Variants in AASDH observed in about 807,000 individuals in gnomAD.
AASDH encodes the protein aminoadipate-semialdehyde dehydrogenase, also known as beta-alanine-activating enzyme.
In AASDH, 81 loss-of-function variants were observed where a neutral mutation model predicts 102.3. The ratio of observed to expected loss-of-function variants is 0.79; its 90% CI spans 0.66 to 0.95. The LOEUF (loss-of-function observed/expected upper bound fraction) is 0.95, where lower values mean the gene tolerates loss of function less well. AASDH is among the 40% of genes least tolerant of loss of function. AASDH has a pLI of 0.00. For synonymous variants in AASDH, 398 were observed against 454.0 expected, an observed-to-expected ratio of 0.88 and a Z score of 1.57; for missense variants, 1,203 against 1,266.2, an observed-to-expected ratio of 0.95 and a Z score of 0.76.
At chr4:56,343,519 TAAAG>T (rs745696925) in intron 13 of AASDH, 39 bp downstream of exon 13, 513 of 1,498,984 alleles carry the variant, frequency 3.4e-4, no homozygotes, top group Middle Eastern at 8.9e-4. Flanking sequence ...TTTACAAATT[TAAAG>T]AAAAGTAATA....
At chr4:56,386,097 T>C (rs1035199981) in intron 1 of AASDH, among the ~76,000 whole-genome samples, 1 of 152,194 alleles carries the variant, frequency 6.6e-6, no homozygotes, top group Non-Finnish European at 1.5e-5. Flanking sequence ...GATTTCTAAA[T>C]ATACAGTTTA....
intron 14 of AASDH, among the ~76,000 whole-genome samples, chr4:56,339,926 T>C (rs1056375242): frequency 3.3e-5 from 5 of 151,910 alleles, no homozygotes; most frequent in Non-Finnish European, 5.9e-5. Flanking sequence ...CCCAACACTT[T>C]GGGAGGCCAA....
At position 56,338,525 on chromosome 4, in the gene AASDH, T is replaced by G; in HGVS notation, c.3174A>C (p.Gln1058His). ...WILESQSGQL[Q>H]SVYELPGEVF... ...CTTCTCCAGGAAGTTCATAAACACT[T>G]TGCAATTGTCCACTCTGAGATTCCA... Residue 1058 changes from glutamine (Q) to histidine (H), a missense_variant, in exon 15 of 15, where the codon CAA (glutamine) becomes CAC (histidine). Gln to His is a conservative substitution (Grantham distance 24). Coordinates refer to ENST00000205214, the MANE Select transcript of AASDH (RefSeq NM_181806.4). The G allele has an allele frequency of 6.2e-7, 1 of 1,613,916 alleles. No individual in the cohort carries two copies. The highest frequency in any genetic ancestry group is 8.5e-7 in the Non-Finnish European group (1 of 1,179,990).
chr4:56,369,864 C>CG (rs990753641), intron 5 of AASDH, among the ~76,000 whole-genome samples: 1 of 150,506 alleles, frequency 6.6e-6, no homozygotes, highest in Non-Finnish European at 1.5e-5. Context: ...CTCTTGAGCC[C>CG]GGGAGACAGA....
rs1485648743 is a variant in AASDH, at chr4:56,345,046, A to G, written c.2652+81T>C. On this transcript the variant is annotated intron_variant, in intron 12 of 14. Coordinates refer to ENST00000205214, the MANE Select transcript of AASDH (RefSeq NM_181806.4). ...AACCTCCACCTCCCAGGTTCACGCAATCCTCCCACCTCAGCCTCTGGAGTA... is the reference window on the plus strand; with the variant it reads ...AACCTCCACCTCCCAGGTTCACGCAGTCCTCCCACCTCAGCCTCTGGAGTA... The G allele has an allele frequency of 4.7e-6, 7 of 1,479,016 alleles. No individual in the cohort carries two copies. The East Asian group carries it at 1.4e-4, about 30-fold the overall frequency. The allele number at this position is 1,479,016 out of a possible 1,614,324, so 91.6% of individuals were successfully genotyped here.
chr4:56,347,906 A>T (rs1748503102), intron 11 of AASDH, among the ~76,000 whole-genome samples: 1 of 152,164 alleles, frequency 6.6e-6, no homozygotes, highest in African/African-American at 2.4e-5. Context: ...TAATCCCAGC[A>T]CTTTGGGACA....
At chr4:56,382,272 T>C (rs1313031650) in intron 3 of AASDH, 1 of 460,922 alleles carries the variant, frequency 2.2e-6, no homozygotes, top group South Asian at 2.6e-5. Context: ...GTCTAGCGAG[T>C]GGAGGTCAAA....
chr4:56,344,994 T>A, intron 12 of AASDH, 133 bp downstream of exon 12: 2 of 639,898 alleles, frequency 3.1e-6, no homozygotes, highest in Non-Finnish European at 5.0e-6. Flanking sequence ...CAGGGTGGAA[T>A]ACACTGTCAC....
At chr4:56,344,717 G>A (rs1748117045) in intron 12 of AASDH, among the ~76,000 whole-genome samples, 1 of 151,938 alleles carries the variant, frequency 6.6e-6, no homozygotes, top group Admixed American at 6.6e-5. Flanking sequence ...AAAACTCTGA[G>A]TAGCACACTT....
At chr4:56,351,058 A>C (rs1466146398) in intron 10 of AASDH, among the ~76,000 whole-genome samples, 1 of 152,176 alleles carries the variant, frequency 6.6e-6, no homozygotes, top group East Asian at 1.9e-4. Context: ...CATTCCACCG[A>C]TCCTCTTAGA....
Position 56,338,668 on chromosome 4 carries a change from G to A in AASDH, c.3031C>T (p.Gln1011Ter). Residue 1011 changes from glutamine to a stop codon, truncating the protein, a stop_gained, in exon 15 of 15, where the codon CAG (glutamine) becomes TAG (stop). Transcript: ENST00000205214. LOFTEE classifies it high-confidence loss of function. ...CTTGAAGTAGTTTCAAATTTCCACTGCAGGTGACCTTTCATGTTACAACAG... is the reference window on the plus strand; with the variant it reads ...CTTGAAGTAGTTTCAAATTTCCACTACAGGTGACCTTTCATGTTACAACAG... ...IYCCNMKGHLQWKFETTSRVY... is the reference protein window; with the variant it reads ...IYCCNMKGHL 6.2e-7 allele frequency: 1 copy of A among 1,614,188 alleles called. No individual in the cohort carries two copies. The highest frequency in any genetic ancestry group is 8.5e-7 in the Non-Finnish European group (1 of 1,180,026).
intron 5 of AASDH, among the ~76,000 whole-genome samples, chr4:56,361,212 G>A (rs1436846417): frequency 6.6e-6 from 1 of 152,114 alleles, no homozygotes; most frequent in African/African-American, 2.4e-5. Flanking sequence ...AGGAGTTCGA[G>A]ACCAGCCTAG....
Position 56,338,502 on chromosome 4 carries a change from T to G in AASDH, c.3197A>C (p.Glu1066Ala). 1 of 1,613,956 alleles carries G rather than the reference T, an allele frequency of 6.2e-7. No individual in the cohort carries two copies. The highest frequency in any genetic ancestry group is 1.1e-5 in the South Asian group (1 of 90,992). ...CAGGACCACAGGAGAAGAGAAGACT[T>G]CTCCAGGAAGTTCATAAACACTTTG... is the stretch of plus-strand genomic sequence containing the variant. ...QLQSVYELPG[E>A]VFSSPVVLES... is the part of the protein sequence containing the mutation. Residue 1066 changes from glutamate to alanine, a missense_variant, in exon 15 of 15, where the codon GAA (glutamate) becomes GCA (alanine). Physicochemically the swap from Glu to Ala is moderately radical, Grantham distance 107. Coordinates refer to ENST00000205214, the MANE Select transcript of AASDH (RefSeq NM_181806.4).
At chr4:56,346,327 T>C (rs1489869883) in intron 11 of AASDH, among the ~76,000 whole-genome samples, 5 of 151,960 alleles carry the variant, frequency 3.3e-5, no homozygotes, top group Non-Finnish European at 7.4e-5. Flanking sequence ...AGCAAGAGAG[T>C]AGTGGCCAGC....
At chr4:56,384,532 A>C (rs960351440) in intron 1 of AASDH, among the ~76,000 whole-genome samples, 191 bp from the exon 2 acceptor site, 6 of 152,230 alleles carry the variant, frequency 3.9e-5, no homozygotes, top group African/African-American at 1.4e-4. Context: ...AACTTGATAC[A>C]TCAACCTATG....
chr4:56,338,627 C>A lies in AASDH; in HGVS notation c.3072G>T (p.Pro1024=). ...FETTSRVYAT[P]FAFHNYNGSN... is the part of the protein sequence containing the mutation. Reference sequence around the variant, plus strand: ...TGCCATTGTAGTTATGGAAAGCAAACGGTGTTGCATAGACCCTTGAAGTAG... The same window carrying A: ...TGCCATTGTAGTTATGGAAAGCAAAAGGTGTTGCATAGACCCTTGAAGTAG... The change falls in exon 15 of 15, where the codon CCG becomes CCT. Residue 1024 remains proline (P), a synonymous_variant. Coordinates refer to ENST00000205214, the MANE Select transcript of AASDH (RefSeq NM_181806.4). 1 of 1,614,174 alleles carries A rather than the reference C, an allele frequency of 6.2e-7. No individual in the cohort carries two copies. Among genetic ancestry groups the A allele is most frequent in the Non-Finnish European group, 8.5e-7 (1 of 1,180,022 alleles).
chr4:56,352,464 G>T (rs1174357733), intron 9 of AASDH, among the ~76,000 whole-genome samples: 1 of 152,126 alleles, frequency 6.6e-6, no homozygotes, highest in Non-Finnish European at 1.5e-5. Flanking sequence ...CGCAACCTCG[G>T]CTTACTGCAA....
At chr4:56,357,516 C>T (rs2899063) in intron 5 of AASDH, among the ~76,000 whole-genome samples, 104,223 of 151,662 alleles carry the variant, frequency 0.69, 35,916 homozygotes, top group South Asian at 0.76. Flanking sequence ...ACTCCCAAAA[C>T]TACCTGTGTA....
intron 1 of AASDH, among the ~76,000 whole-genome samples, chr4:56,386,685 CG>C (rs2068868062): frequency 6.9e-6 from 1 of 145,564 alleles, no homozygotes; most frequent in African/African-American, 2.5e-5. Flanking sequence ...CCCAGCTACT[CG>C]GGAGGCTGAG....
Sources: allele counts gnomAD v4.1 joint callset (sites outside exome capture counted in the v4.1 genomes callset), GRCh38; gene constraint gnomAD v4.1.1; transcripts MANE v1.5; gene names NCBI Gene and HGNC (gene_info 2026-07-23, HGNC 2026-07-21).